ERICH1: variants seen among roughly 807,000 people sequenced by gnomAD.
ERICH1 encodes the protein glutamate rich 1, also known as glutamate-rich protein 1.
A neutral mutation model predicts 39.6 loss-of-function variants in ERICH1; 56 were observed. The observed-to-expected ratio is 1.41, with a 90% CI of 1.14 to 1.77. The LOEUF (loss-of-function observed/expected upper bound fraction) is 1.77, where lower values mean the gene tolerates loss of function less well. Among genes scored for constraint, ERICH1 ranks in the 40% most tolerant of loss-of-function variants. The pLI is 0.00. For missense variants in ERICH1, 826 were observed against 575.4 expected, an observed-to-expected ratio of 1.44 and a Z score of -4.45; for synonymous variants, 313 against 223.6, an observed-to-expected ratio of 1.40 and a Z score of -3.57.
At chr8:654,982 C>T (rs1800439972) in intron 3 of ERICH1, among the ~76,000 whole-genome samples, 1 of 152,222 alleles carries the variant, frequency 6.6e-6, no homozygotes, top group African/African-American at 2.4e-5. Flanking sequence ...GGGAGTTGCG[C>T]CCTGGTGCTC....
chr8:615,055 C>G (rs1796843877), exon 4 of ERICH1: 1 of 583,016 alleles, frequency 1.7e-6, no homozygotes, highest in Admixed American at 3.3e-5. Flanking sequence ...CTCCCAGCAG[C>G]CCTGTACCCA....
Position 648,398 on chromosome 8 carries a change from G to C in ERICH1, c.976+20200C>G, listed in dbSNP as rs1799583494. On this transcript the variant is annotated intron_variant, in intron 3 of 3. Transcript: ENST00000522706. ...AGGATGCTGACTCCAGGTCGCAGTAGGGGAGGTGCTGGGGACCTGTGAGGC... is the reference window on the plus strand; with the variant it reads ...AGGATGCTGACTCCAGGTCGCAGTACGGGAGGTGCTGGGGACCTGTGAGGC... 3.1e-5 allele frequency among the ~76,000 whole-genome samples: 2 copies of C among 64,156 alleles called. 1 individual carries two copies. 42.1% of individuals were successfully genotyped at this position (64,156 alleles called of 152,430 possible). A position where few individuals can be genotyped will look rare whatever the true frequency, so the allele number is the denominator to read the frequency against.
At chr8:719,198 G>A (rs926229658) in intron 1 of ERICH1, among the ~76,000 whole-genome samples, 2 of 152,174 alleles carry the variant, frequency 1.3e-5, no homozygotes, top group Non-Finnish European at 2.9e-5. Context: ...TGAAAACTTG[G>A]GTTTCTGCCC....
chr8:637,061 T>C (rs1798493762), intron 3 of ERICH1, among the ~76,000 whole-genome samples: 1 of 152,258 alleles, frequency 6.6e-6, no homozygotes, highest in South Asian at 2.1e-4. Context: ...CCTTGTGCAG[T>C]GACCACACCA....
chr8:691,461 C>T (rs914212236), intron 3 of ERICH1, among the ~76,000 whole-genome samples: 10 of 152,248 alleles, frequency 6.6e-5, no homozygotes, highest in African/African-American at 1.7e-4. Context: ...CGCGGTACAA[C>T]GGGGCGAGAG....
chr8:655,147 G>C (rs751708091), intron 3 of ERICH1, among the ~76,000 whole-genome samples: 2 of 152,194 alleles, frequency 1.3e-5, no homozygotes, highest in Non-Finnish European at 2.9e-5. Flanking sequence ...ACGCCAAGTC[G>C]GCCCCAAGGG....
downstream of ERICH1, among the ~76,000 whole-genome samples, chr8:660,544 A>C (rs1254875867): frequency 1.3e-5 from 2 of 152,194 alleles, no homozygotes; most frequent in African/African-American, 4.8e-5. Flanking sequence ...CCCCACACAG[A>C]GGTCCCAGCC....
intron 3 of ERICH1, among the ~76,000 whole-genome samples, chr8:632,616 C>T (rs534863179): frequency 8.0e-4 from 122 of 151,932 alleles, no homozygotes; most frequent in Non-Finnish European, 1.3e-3. Context: ...AGTGAAAAAC[C>T]CAAAGAAAGG....
intron 2 of ERICH1, among the ~76,000 whole-genome samples, chr8:706,791 A>G (rs1354684447): frequency 6.6e-6 from 1 of 152,146 alleles, no homozygotes; most frequent in Non-Finnish European, 1.5e-5. Context: ...ACAACAACAA[A>G]AAGATAAAAC....
chr8:617,976 G>A (rs1669655), intron 3 of ERICH1, among the ~76,000 whole-genome samples: 25,731 of 144,206 alleles, frequency 0.18, 2,288 homozygotes, highest in East Asian at 0.29. Context: ...TGGGTGCTCA[G>A]TCTATCCTCA....
chr8:621,654 A>G (rs77534592), intron 3 of ERICH1, among the ~76,000 whole-genome samples: 1 of 152,156 alleles, frequency 6.6e-6, no homozygotes, highest in African/African-American at 2.4e-5. Flanking sequence ...AACAAGACCA[A>G]TGGTTAGTTC....
chr8:618,248 G>A (rs1297850988), intron 3 of ERICH1, among the ~76,000 whole-genome samples: 2 of 151,660 alleles, frequency 1.3e-5, no homozygotes, highest in African/African-American at 2.4e-5. Flanking sequence ...TCGGTACTTG[G>A]TCCATCCTCA....
intron 2 of ERICH1, among the ~76,000 whole-genome samples, chr8:704,535 C>T (rs1372313074): frequency 6.6e-6 from 1 of 152,138 alleles, no homozygotes; most frequent in African/African-American, 2.4e-5. Context: ...AAAGGTTTCA[C>T]AAAACGGAAT....
chr8:627,035 C>G (rs1284429848), intron 3 of ERICH1: 1 of 445,238 alleles, frequency 2.2e-6, no homozygotes, highest in African/African-American at 2.0e-5. Flanking sequence ...ACACTCCCTT[C>G]TGTCTCCTCG....
intron 2 of ERICH1, among the ~76,000 whole-genome samples, chr8:698,723 C>T (rs887611272): frequency 2.0e-5 from 3 of 152,140 alleles, no homozygotes; most frequent in Admixed American, 6.5e-5. Flanking sequence ...AGCAATCCTC[C>T]CTCCTTGGCC....
intron 2 of ERICH1, among the ~76,000 whole-genome samples, chr8:695,309 C>A (rs1015797145): frequency 6.6e-6 from 1 of 152,056 alleles, no homozygotes; most frequent in Non-Finnish European, 1.5e-5. Context: ...CTCCCTCTCC[C>A]CACAGCCCTT....
At chr8:668,112 G>A (rs1022741055) in intron 5 of ERICH1, 8 of 203,438 alleles carry the variant, frequency 3.9e-5, no homozygotes, top group East Asian at 1.3e-4. Context: ...TTGTGTCACC[G>A]CACACGGCAT....
intron 3 of ERICH1, chr8:627,344 T>C: frequency 2.5e-6 from 1 of 398,002 alleles, no homozygotes; most frequent in Non-Finnish European, 5.2e-6. Flanking sequence ...GCTCCTTGTC[T>C]CCCATTCCTG....
At chr8:651,170 T>C (rs905759604) in intron 3 of ERICH1, among the ~76,000 whole-genome samples, 3 of 152,208 alleles carry the variant, frequency 2.0e-5, no homozygotes, top group African/African-American at 7.2e-5. Context: ...TGCAAGTCAA[T>C]GTCAGTTGTT....
Sources: allele counts gnomAD v4.1 joint callset (sites outside exome capture counted in the v4.1 genomes callset), GRCh38; gene constraint gnomAD v4.1.1; transcripts MANE v1.5; gene names NCBI Gene and HGNC (gene_info 2026-07-23, HGNC 2026-07-21).